Variants in ANKIB1 observed in about 807,000 individuals in gnomAD.
The protein encoded by ANKIB1 is ankyrin repeat and IBR domain-containing protein 1.
A neutral mutation model predicts 122.1 loss-of-function variants in ANKIB1; 43 were observed. The ratio of observed to expected loss-of-function variants is 0.35; its 90% CI spans 0.28 to 0.45. The LOEUF (loss-of-function observed/expected upper bound fraction) is 0.45. ANKIB1 is among the 20% of genes least tolerant of loss of function. The probability of loss-of-function intolerance (pLI) is 1.00; values close to 1 mark genes in which losing one functional copy is unlikely to be tolerated. For missense variants in ANKIB1, 992 were observed against 1,329.5 expected (o/e 0.75, Z 3.95); for synonymous variants, 390 against 442.0 (o/e 0.88, Z 1.48).
intron 1 of ANKIB1, among the ~76,000 whole-genome samples, chr7:92,280,891 A>G (rs1304059861): frequency 2.6e-5 from 4 of 152,214 alleles, no homozygotes; most frequent in African/African-American, 7.2e-5. Flanking sequence ...TGCATTTGCC[A>G]TATTTTAGTG....
chr7:92,393,294 G>C (rs1327459111), intron 17 of ANKIB1, among the ~76,000 whole-genome samples: 2 of 151,706 alleles, frequency 1.3e-5, no homozygotes, highest in Non-Finnish European at 2.9e-5. Context: ...AAAAAATTGT[G>C]CTTAGAGCCC....
intron 1 of ANKIB1, among the ~76,000 whole-genome samples, chr7:92,263,807 A>G (rs1164838917): frequency 2.6e-5 from 4 of 152,234 alleles, no homozygotes; most frequent in African/African-American, 9.6e-5. Context: ...GCTTATGGGT[A>G]TAATGAGCAC....
rs1263273507 is a variant in ANKIB1 at position 92,352,646 on chromosome 7, A to G, written c.1397+4A>G. The G allele has an allele frequency of 1.3e-6, 2 of 1,594,796 alleles. No individual in the cohort carries two copies. Among genetic ancestry groups the G allele is most frequent in the Non-Finnish European group, 1.7e-6 (2 of 1,174,462 alleles). On this transcript the variant is annotated splice_donor_region_variant and intron_variant, in intron 9 of 19. Coordinates refer to ENST00000265742, the MANE Select transcript of ANKIB1 (RefSeq NM_019004.2). ...GAAAAGGACACCTCTTCTGCTGGTTAGTATAAGACAAGTTGGAATCAGCCT... is the reference window on the plus strand; with the variant it reads ...GAAAAGGACACCTCTTCTGCTGGTTGGTATAAGACAAGTTGGAATCAGCCT...
At position 92,326,253 on chromosome 7, in the gene ANKIB1, C is replaced by T. The variant is rs531367634; in HGVS notation, c.670-1530C>T. ...CTATGCAGATTGTTTCATATTATCC[C>T]TTCTTTCTTAATTTACCTAAAATTA... is the stretch of plus-strand genomic sequence containing the variant. On this transcript the variant is annotated intron_variant, in intron 4 of 19. Coordinates refer to ENST00000265742, the MANE Select transcript of ANKIB1 (RefSeq NM_019004.2). Among the ~76,000 whole-genome samples the T allele has an allele frequency of 1.7e-3, 266 of 152,252 alleles. 1 individual carries two copies. Among genetic ancestry groups the T allele is most frequent in the African/African-American group, 6.1e-3 (255 of 41,546 alleles).
intron 1 of ANKIB1, among the ~76,000 whole-genome samples, chr7:92,262,512 G>C (rs1422372000): frequency 6.6e-6 from 1 of 152,140 alleles, no homozygotes; most frequent in East Asian, 1.9e-4. Context: ...ATGTGTCCAA[G>C]GGGTAGTTAA....
chr7:92,400,246 T>C lies in ANKIB1; in HGVS notation c.*1297T>C, dbSNP rs921710228. 6.6e-6 allele frequency: 1 copy of C among 152,224 alleles called. No homozygotes were observed. Among genetic ancestry groups the C allele is most frequent in the Non-Finnish European group, 1.5e-5 (1 of 68,042 alleles). The allele number at this position is 152,224 out of a possible 1,614,324, so 9.4% of individuals were successfully genotyped here. A position where few individuals can be genotyped will look rare whatever the true frequency, so the allele number is the denominator to read the frequency against. Reference sequence around the variant, plus strand: ...TGCGCAATACTCATTTGCTGTGTGATTACTGTTTAGTGTTGAAAAAAATCA... The same window carrying C: ...TGCGCAATACTCATTTGCTGTGTGACTACTGTTTAGTGTTGAAAAAAATCA... On this transcript the variant is annotated 3_prime_UTR_variant, in exon 20 of 20. Coordinates refer to ENST00000265742, the MANE Select transcript of ANKIB1 (RefSeq NM_019004.2).
chr7:92,279,872 A>G (rs1801981851), intron 1 of ANKIB1, among the ~76,000 whole-genome samples: 1 of 152,140 alleles, frequency 6.6e-6, no homozygotes, highest in Admixed American at 6.5e-5. Flanking sequence ...AAACAAACAA[A>G]CAAGCACACA....
rs1444565803 is a variant in ANKIB1, at chr7:92,307,634, C to T, written c.464C>T (p.Ser155Leu). 3 of 1,601,788 alleles carry T rather than the reference C, an allele frequency of 1.9e-6. No individual in the cohort carries two copies. Among genetic ancestry groups the T allele is most frequent in the Admixed American group, 3.4e-5 (2 of 58,578 alleles). ...ACACCCTTGCACTATGCTGCTGCCT[C>T]AGGGATGAAAGCCTGTGTAGAGGTA... is the stretch of plus-strand genomic sequence containing the variant. Reference protein sequence around the residue: ...KNTPLHYAAASGMKACVELLV... With the variant: ...KNTPLHYAAALGMKACVELLV... The change falls in exon 3 of 20, where the codon TCA (serine) becomes TTA (leucine). Residue 155 changes from serine to leucine, a missense_variant. Physicochemically the swap from Ser to Leu is moderately radical, Grantham distance 145. Transcript: ENST00000265742.
intron 5 of ANKIB1, among the ~76,000 whole-genome samples, chr7:92,335,352 T>C (rs553452970): frequency 2.0e-5 from 3 of 151,974 alleles, no homozygotes; most frequent in Non-Finnish European, 4.4e-5. Flanking sequence ...AAGGATGTAA[T>C]TGTGAAGTTG....
At position 92,271,710 on chromosome 7, in the gene ANKIB1, G is replaced by A. The variant is rs186785442; in HGVS notation, c.-90-23179G>A. 4.6e-4 allele frequency among the ~76,000 whole-genome samples: 70 copies of A among 152,294 alleles called. 1 individual carries two copies. The highest frequency in any genetic ancestry group is 4.6e-4 in the Non-Finnish European group (31 of 68,008). On this transcript the variant is annotated intron_variant, in intron 1 of 19. Coordinates refer to ENST00000265742, the MANE Select transcript of ANKIB1 (RefSeq NM_019004.2). Reference sequence around the variant, plus strand: ...TATAGAAATTAAAATATGATAGCAGGAATCTAGATTGAGTAGAATATTCGG... The same window carrying A: ...TATAGAAATTAAAATATGATAGCAGAAATCTAGATTGAGTAGAATATTCGG...
chr7:92,395,481 G>A (rs1804866875), intron 17 of ANKIB1, among the ~76,000 whole-genome samples: 1 of 150,400 alleles, frequency 6.6e-6, no homozygotes, highest in Non-Finnish European at 1.5e-5. Flanking sequence ...TTAACAGTGT[G>A]TGTTATTTTT....
chr7:92,299,793 T>C (rs951074801), intron 2 of ANKIB1, among the ~76,000 whole-genome samples: 3 of 152,068 alleles, frequency 2.0e-5, no homozygotes, highest in Admixed American at 6.5e-5. Flanking sequence ...CAAAAACTCT[T>C]AGGAACCTAC....
intron 2 of ANKIB1, among the ~76,000 whole-genome samples, chr7:92,302,670 C>A (rs980138023): frequency 2.0e-5 from 3 of 152,110 alleles, no homozygotes; most frequent in African/African-American, 7.2e-5. Context: ...TTTATTAGAG[C>A]CTGTCTTTAT....
chr7:92,296,623 C>G (rs543631589), intron 2 of ANKIB1, among the ~76,000 whole-genome samples: 16 of 152,136 alleles, frequency 1.1e-4, no homozygotes, highest in Admixed American at 2.0e-4. Flanking sequence ...TTGTTTGCCT[C>G]ACGTATTTGC....
At position 92,319,611 on chromosome 7, in the gene ANKIB1, T is replaced by C. The variant is rs183861480; in HGVS notation, c.669+99T>C. On this transcript the variant is annotated intron_variant, in intron 4 of 19. Transcript: ENST00000265742. Reference sequence around the variant, plus strand: ...CTTTAAAACTCAGTTTGTGTGTTCTTCTTTACAGTATTCTAAATATCCTGT... The same window carrying C: ...CTTTAAAACTCAGTTTGTGTGTTCTCCTTTACAGTATTCTAAATATCCTGT... 589 of 1,190,550 alleles carry C rather than the reference T, an allele frequency of 4.9e-4. 4 individuals are homozygous for C. The African/African-American group carries it at 8.1e-3, about 16-fold the overall frequency. The allele number at this position is 1,190,550 out of a possible 1,614,324, so 73.7% of individuals were successfully genotyped here. A position where few individuals can be genotyped will look rare whatever the true frequency, so the allele number is the denominator to read the frequency against.
rs116915150 is a variant in ANKIB1 at position 92,277,445 on chromosome 7, C to T, written c.-90-17444C>T. Among the ~76,000 whole-genome samples the T allele has an allele frequency of 6.4e-3, 971 of 152,190 alleles. 10 individuals carry two copies. Among genetic ancestry groups the T allele is most frequent in the South Asian group, 0.03 (145 of 4,816 alleles). ...ATTCAGATATAACCCCATCATAAGT[C>T]GAGGAGCATCTGTATTAGTCAGGCA... On this transcript the variant is annotated intron_variant, in intron 1 of 19. Transcript: ENST00000265742.
chr7:92,307,847 C>T (rs1400236142), intron 3 of ANKIB1, among the ~76,000 whole-genome samples, 191 bp downstream of exon 3: 3 of 108,606 alleles, frequency 2.8e-5, no homozygotes, highest in African/African-American at 3.7e-5. Context: ...CAGAGTCTTG[C>T]TCTGTTGCCA....
In ANKIB1 at chr7:92,387,793, T is replaced by C. The variant is rs1443911038; in HGVS notation, c.1753-5T>C. The stretch of plus-strand genomic sequence containing the variant: ...AAAAGTCATTTGTGGACTTTTGTTT[T>C]CTAGGCTGAGAAAAAACACAAACGA... On this transcript the variant is annotated splice_region_variant and splice_polypyrimidine_tract_variant and intron_variant, in intron 12 of 19. Coordinates refer to ENST00000265742, the MANE Select transcript of ANKIB1 (RefSeq NM_019004.2). 2 of 1,605,938 alleles carry C rather than the reference T, an allele frequency of 1.2e-6. No homozygotes were observed. The highest frequency in any genetic ancestry group is 1.7e-6 in the Non-Finnish European group (2 of 1,177,724).
chr7:92,290,366 T>C (rs949225175), intron 1 of ANKIB1, among the ~76,000 whole-genome samples: 2 of 145,302 alleles, frequency 1.4e-5, no homozygotes, highest in African/African-American at 5.3e-5. Context: ...AGTATATGTA[T>C]GAAAGTGTGT....
Sources: gnomAD v4.1 joint callset for allele counts (sites outside exome capture counted in the v4.1 genomes callset) on GRCh38, gnomAD v4.1.1 for gene constraint, MANE v1.5 for transcripts, NCBI Gene and HGNC (gene_info 2026-07-23, HGNC 2026-07-21) for gene names.